Variants in SLC29A1 observed in about 807,000 individuals in gnomAD.
The protein encoded by SLC29A1 is solute carrier family 29 member 1 (Augustine blood group), also known as equilibrative nucleoside transporter 1.
Under a neutral mutation model 48.3 loss-of-function variants are expected in SLC29A1, and 22 were observed. That is an observed-to-expected ratio of 0.46 (90% CI 0.33 to 0.65). The LOEUF is 0.65. Among genes scored for constraint, SLC29A1 ranks in the 30% least tolerant of loss-of-function variants. SLC29A1 has a pLI of 0.03. For missense variants in SLC29A1, 491 were observed against 575.3 expected, an observed-to-expected ratio of 0.85 and a Z score of 1.50; for synonymous variants, 228 against 231.0, an observed-to-expected ratio of 0.99 and a Z score of 0.12.
chr6:44,224,032 G>C (rs1776902486), intron 1 of SLC29A1: 1 of 37,984 alleles, frequency 2.6e-5, no homozygotes, highest in Non-Finnish European at 3.1e-5. Context: ...ATGGAGGCTC[G>C]CGAGCGGAGG....
upstream of SLC29A1, chr6:44,221,541 A>G: frequency 9.9e-7 from 1 of 1,008,886 alleles, no homozygotes. The surrounding 1 kb of genome is among the most constrained non-coding windows in gnomAD (Gnocchi z 4.2). Context: ...GGTGTAGAGT[A>G]GAGGTGCAGC....
At chr6:44,219,844 C>T, upstream of SLC29A1, 1 of 1,069,832 alleles carries the variant, frequency 9.3e-7, no homozygotes, top group Non-Finnish European at 1.2e-6. Flanking sequence ...AGGTCTGCGC[C>T]GTTCTCACGC....
rs767133110 is a variant in SLC29A1 at position 44,230,417 on chromosome 6, C to T, written c.525C>T (p.Pro175=). 6.2e-7 allele frequency: 1 copy of T among 1,614,108 alleles called. No individual in the cohort carries two copies. Among genetic ancestry groups the T allele is most frequent in the Non-Finnish European group, 8.5e-7 (1 of 1,180,000 alleles). Residue 175 remains proline, a synonymous_variant, in exon 6 of 13, where the codon CCC becomes CCT. Transcript: ENST00000371755. ...TTCTGCCTGCCAGCTACACGGCCCC[C>T]ATCATGAGTGGCCAGGGCCTAGCAG... is the stretch of plus-strand genomic sequence containing the variant. ...AGLLPASYTA[P]IMSGQGLAGF... is the part of the protein sequence containing the mutation.
At position 44,223,721 on chromosome 6, in the gene SLC29A1, G is replaced by A; in HGVS notation, c.-52+80G>A. ...GCTGCCCGCCTGCCACGGAGGGCAG[G>A]GAGGGCGGGCCTGACGGCTCCGCAG... On this transcript the variant is annotated intron_variant, in intron 1 of 12. Transcript: ENST00000371755. The surrounding 1 kb of genome is among the most constrained non-coding windows in gnomAD (Gnocchi z 5.0). 9.3e-7 allele frequency: 1 copy of A among 1,080,176 alleles called. No individual in the cohort carries two copies. The highest frequency in any genetic ancestry group is 1.1e-6 in the Non-Finnish European group (1 of 880,608). 66.9% of individuals were successfully genotyped at this position (1,080,176 alleles called of 1,614,324 possible).
In SLC29A1 at chr6:44,227,255, C is replaced by A. The variant is rs769844794; in HGVS notation, c.-51-8C>A. On this transcript the variant is annotated splice_region_variant and splice_polypyrimidine_tract_variant and intron_variant, in intron 1 of 12. Coordinates refer to ENST00000371755, the MANE Select transcript of SLC29A1 (RefSeq NM_001372327.1). ...GACAGGGCCTCACACTGTTCCTGCC[C>A]CCAGCAGGCCCCTGAGGGAGGGAGC... The A allele has an allele frequency of 6.2e-7, 1 of 1,612,646 alleles. No individual in the cohort carries two copies. Among genetic ancestry groups the A allele is most frequent in the Non-Finnish European group, 8.5e-7 (1 of 1,179,182 alleles).
Position 44,229,510 on chromosome 6 carries a change from A to G in SLC29A1, c.111+39A>G. ...GACTGGGCTCCATGGGGCAGTGCCCACTGTGCTTGCAGGATCTGACTCTGT... is the reference window on the plus strand; with the variant it reads ...GACTGGGCTCCATGGGGCAGTGCCCGCTGTGCTTGCAGGATCTGACTCTGT... On this transcript the variant is annotated intron_variant, in intron 3 of 12. Coordinates refer to ENST00000371755, the MANE Select transcript of SLC29A1 (RefSeq NM_001372327.1). The surrounding 1 kb of genome is among the most constrained non-coding windows in gnomAD (Gnocchi z 5.1). 1 of 1,608,844 alleles carries G rather than the reference A, an allele frequency of 6.2e-7. No individual in the cohort carries two copies. Among genetic ancestry groups the G allele is most frequent in the Non-Finnish European group, 8.5e-7 (1 of 1,175,278 alleles).
chr6:44,220,688 G>C (rs1175497434), upstream of SLC29A1, among the ~76,000 whole-genome samples: 1 of 151,476 alleles, frequency 6.6e-6, no homozygotes, highest in Non-Finnish European at 1.5e-5. Flanking sequence ...AGCTGGGCGT[G>C]GTGGCACGTG....
chr6:44,227,449 C>T, intron 2 of SLC29A1, 107 bp downstream of exon 2: 2 of 984,256 alleles, frequency 2.0e-6, no homozygotes, highest in Non-Finnish European at 3.1e-6. Flanking sequence ...GCCTTCCAGC[C>T]AGGTAGCTAT....
rs1339516813 is a variant in SLC29A1, at chr6:44,232,003, A to T, written c.870A>T (p.Ser290=). The part of the protein sequence containing the change: ...HSIKAILKNI[S]VLAFSVCFIF... ...ACTCTACCCCTTCTATCTAGATCTC[A>T]GTCCTGGCTTTCTCTGTCTGCTTCA... The change falls in exon 10 of 13, where the codon TCA becomes TCT. Residue 290 remains serine (S), a synonymous_variant. Coordinates refer to ENST00000371755, the MANE Select transcript of SLC29A1 (RefSeq NM_001372327.1). This position sits in a 1 kb window ranked among gnomAD's most constrained non-coding sequence, Gnocchi z 4.7. 6.2e-7 allele frequency: 1 copy of T among 1,611,682 alleles called. No homozygotes were observed. The highest frequency in any genetic ancestry group is 8.5e-7 in the Non-Finnish European group (1 of 1,177,912).
At chr6:44,227,181 C>G in intron 1 of SLC29A1, 82 bp from the exon 2 acceptor site, 1 of 1,460,808 alleles carries the variant, frequency 6.8e-7, no homozygotes, top group Non-Finnish European at 9.4e-7. Flanking sequence ...TTCTGTCAGC[C>G]CTGCCCCCTC....
chr6:44,232,569 A>C lies in SLC29A1; in HGVS notation c.1059+141A>C, dbSNP rs1481898650. 3 of 666,126 alleles carry C rather than the reference A, an allele frequency of 4.5e-6. No individual in the cohort carries two copies. Among genetic ancestry groups the C allele is most frequent in the Non-Finnish European group, 7.8e-6 (3 of 382,702 alleles). 41.3% of individuals were successfully genotyped at this position (666,126 alleles called of 1,614,324 possible). ...CATAATTTATGTATAGTTAAGTACAAGTCTTAAGTGTACAACTTAATGAAT... is the reference window on the plus strand; with the variant it reads ...CATAATTTATGTATAGTTAAGTACACGTCTTAAGTGTACAACTTAATGAAT... On this transcript the variant is annotated intron_variant, in intron 11 of 12. Transcript: ENST00000371755. The surrounding 1 kb of genome is among the most constrained non-coding windows in gnomAD (Gnocchi z 4.7).
rs779732189 is a variant in SLC29A1 at position 44,229,828 on chromosome 6, C to T, written c.314+37C>T. The T allele has an allele frequency of 6.2e-7, 1 of 1,610,008 alleles. No homozygotes were observed. The highest frequency in any genetic ancestry group is 1.1e-5 in the South Asian group (1 of 91,014). ...CCCCCTCCCCAGCCCCCAGCCTGAC[C>T]CTCACTGTGTCCTGCACCCCCTTGG... On this transcript the variant is annotated intron_variant, in intron 4 of 12. Coordinates refer to ENST00000371755, the MANE Select transcript of SLC29A1 (RefSeq NM_001372327.1). The surrounding 1 kb of genome is among the most constrained non-coding windows in gnomAD (Gnocchi z 5.1).
rs1776846418 is a variant in SLC29A1, at chr6:44,223,940, G to A, written c.-52+299G>A. 1 of 989,482 alleles carries A rather than the reference G, an allele frequency of 1.0e-6. No homozygotes were observed. Among genetic ancestry groups the A allele is most frequent in the Non-Finnish European group, 1.2e-6 (1 of 832,734 alleles). 61.3% of individuals were successfully genotyped at this position (989,482 alleles called of 1,614,324 possible). ...GCAAGGGGCAGGCGAGTGGACGGGTGATCCCCATCGATCTGGTCGGTATCA... is the reference window on the plus strand; with the variant it reads ...GCAAGGGGCAGGCGAGTGGACGGGTAATCCCCATCGATCTGGTCGGTATCA... On this transcript the variant is annotated intron_variant, in intron 1 of 12. Transcript: ENST00000371755. The surrounding 1 kb of genome is among the most constrained non-coding windows in gnomAD (Gnocchi z 5.0).
At chr6:44,224,038 GGAGGTGCAGGCTCGCGAGC>G (rs1776913695) in intron 1 of SLC29A1, 10 of 32,746 alleles carry the variant, frequency 3.1e-4, no homozygotes, top group African/African-American at 1.3e-3. Context: ...GCTCGCGAGC[GGAGGTGCAGGCTCGCGAGC>G]GGAGGTGCGG....
At chr6:44,219,822 G>T, upstream of SLC29A1, 1 of 1,115,242 alleles carries the variant, frequency 9.0e-7, no homozygotes, top group Non-Finnish European at 1.2e-6. Flanking sequence ...GGGGCGGGGT[G>T]GGGTGGGGGC....
chr6:44,231,886 A>C (rs1262620494), intron 9 of SLC29A1, 112 bp from the exon 10 acceptor site: 1 of 748,340 alleles, frequency 1.3e-6, no homozygotes, highest in South Asian at 1.5e-5. Flanking sequence ...GGCCTCCCAA[A>C]GTGCTGAGAT....
At chr6:44,223,322 T>C (rs1223888372), upstream of SLC29A1, among the ~76,000 whole-genome samples, 1 of 151,934 alleles carries the variant, frequency 6.6e-6, no homozygotes, top group East Asian at 1.9e-4. The surrounding 1 kb of genome is among the most constrained non-coding windows in gnomAD (Gnocchi z 5.0). Context: ...TGTGTGGCTG[T>C]ACCCTCCAGC....
upstream of SLC29A1, among the ~76,000 whole-genome samples, chr6:44,220,585 C>A (rs1224322836): frequency 6.7e-6 from 1 of 150,164 alleles, no homozygotes; most frequent in African/African-American, 2.5e-5. Flanking sequence ...GAGGCCAAGG[C>A]GGGCGGATCA....
At chr6:44,226,930 C>T in intron 1 of SLC29A1, 1 of 1,080,030 alleles carries the variant, frequency 9.3e-7, no homozygotes, top group Non-Finnish European at 1.1e-6. Flanking sequence ...TCCCTCCCAT[C>T]ATCTTTCCTC....
Sources: gnomAD v4.1 joint callset for allele counts (sites outside exome capture counted in the v4.1 genomes callset) on GRCh38, gnomAD v4.1.1 for gene constraint, Gnocchi (gnomAD v3.1) non-coding constraint, MANE v1.5 for transcripts, NCBI Gene and HGNC (gene_info 2026-07-23, HGNC 2026-07-21) for gene names.